Variants in GRK3 observed in about 807,000 individuals in gnomAD.
GRK3 encodes adrenergic, beta, receptor kinase 2.
A neutral mutation model predicts 95.7 loss-of-function variants in GRK3; 54 were observed. The observed-to-expected ratio is 0.56, with a 90% CI of 0.45 to 0.71. GRK3 has a LOEUF of 0.71. Among genes scored for constraint, GRK3 ranks in the 30% least tolerant of loss-of-function variants. The pLI, the probability that GRK3 is intolerant of heterozygous loss-of-function variation, is 0.00. For synonymous variants in GRK3, 281 were observed against 290.8 expected (o/e 0.97, Z 0.34); for missense variants, 649 against 851.2 (o/e 0.76, Z 2.96).
chr22:25,692,770 G>A (rs2085175329), intron 12 of GRK3, among the ~76,000 whole-genome samples: 1 of 152,202 alleles, frequency 6.6e-6, no homozygotes, highest in Admixed American at 6.5e-5. Flanking sequence ...TATGCCATGG[G>A]GCTAGAATTA....
chr22:25,700,174 CCTGGA>C (rs1477227698), intron 13 of GRK3, among the ~76,000 whole-genome samples: 2 of 152,090 alleles, frequency 1.3e-5, no homozygotes, highest in African/African-American at 4.8e-5. Context: ...GTTTTGCATC[CCTGGA>C]CTCACAGTGA....
chr22:25,719,050 G>A (rs1275702896), intron 19 of GRK3, among the ~76,000 whole-genome samples: 1 of 152,142 alleles, frequency 6.6e-6, no homozygotes, highest in Admixed American at 6.5e-5. Flanking sequence ...TCAGCAACTT[G>A]AGCATCTGTG....
At chr22:25,686,473 C>T (rs890406314) in intron 10 of GRK3, among the ~76,000 whole-genome samples, 1 of 152,034 alleles carries the variant, frequency 6.6e-6, no homozygotes, top group African/African-American at 2.4e-5. Context: ...GGATGCTGGG[C>T]ATCTTTTCCA....
rs1251025589 is a variant in GRK3 at position 25,721,291 on chromosome 22, T to C, written c.1799T>C (p.Leu600Ser). The C allele has an allele frequency of 6.4e-7, 1 of 1,555,698 alleles. No individual in the cohort carries two copies. The highest frequency in any genetic ancestry group is 8.7e-7 in the Non-Finnish European group (1 of 1,148,656). Residue 600 changes from leucine to serine, a missense_variant, in exon 20 of 21, where the codon TTA (leucine) becomes TCA (serine). By Grantham distance (145) the Leu-to-Ser change is moderately radical (BLOSUM62 -2). Around this residue, in one of 3 missense-constraint regions of GRK3, gnomAD observed 382 missense variants for 493.8 expected, o/e 0.77. Transcript: ENST00000324198. ...WRGEGESRQNLLTMEQILSVE... is the reference protein window; with the variant it reads ...WRGEGESRQNSLTMEQILSVE... ...TTCTGTTTTTATGGTTAGCAAAATT[T>C]ACTGACAATGGAACAGATTCTCTCT... is the stretch of plus-strand genomic sequence containing the variant.
rs917207342 is a variant in GRK3, at chr22:25,728,942, C to T, written c.*6492C>T. The T allele has an allele frequency of 1.3e-5, 2 of 151,910 alleles. No homozygotes were observed. The highest frequency in any genetic ancestry group is 1.3e-4 in the Admixed American group (2 of 15,238). The allele number at this position is 151,910 out of a possible 1,614,324, so 9.4% of individuals were successfully genotyped here. A position where few individuals can be genotyped will look rare whatever the true frequency, so the allele number is the denominator to read the frequency against. ...ACATATTTACTATATTCTTGAATACCCTTGAAGAAAGAAATCCGTTTTCTA... is the reference window on the plus strand; with the variant it reads ...ACATATTTACTATATTCTTGAATACTCTTGAAGAAAGAAATCCGTTTTCTA... On this transcript the variant is annotated 3_prime_UTR_variant, in exon 21 of 21. Coordinates refer to ENST00000324198, the MANE Select transcript of GRK3 (RefSeq NM_005160.4).
intron 3 of GRK3, chr22:25,648,508 T>C (rs2084803744): frequency 2.1e-6 from 3 of 1,453,446 alleles, no homozygotes; most frequent in Admixed American, 1.7e-5. Context: ...ACCACAAAAG[T>C]AGCAATCAAA....
At chr22:25,573,110 T>G (rs1471757418) in intron 1 of GRK3, among the ~76,000 whole-genome samples, 1 of 152,220 alleles carries the variant, frequency 6.6e-6, no homozygotes, top group Non-Finnish European at 1.5e-5. Flanking sequence ...ATCAAATATT[T>G]GAAGGCAGCT....
intron 4 of GRK3, 82 bp from the exon 5 acceptor site, chr22:25,663,548 A>AATTTATC (rs1368656052): frequency 7.1e-6 from 6 of 842,410 alleles, no homozygotes; most frequent in Non-Finnish European, 1.1e-5. Flanking sequence ...TGCTGTGTTA[A>AATTTATC]ATTTATCTGT....
In GRK3 at chr22:25,591,917, A is replaced by G. The variant is rs1433820998; in HGVS notation, c.114-12460A>G. Among the ~76,000 whole-genome samples the G allele has an allele frequency of 2.6e-5, 4 of 152,238 alleles. No individual in the cohort carries two copies. The East Asian group carries it at 5.8e-4, about 22-fold the overall frequency. On this transcript the variant is annotated intron_variant, in intron 1 of 20. Coordinates refer to ENST00000324198, the MANE Select transcript of GRK3 (RefSeq NM_005160.4). Reference sequence around the variant, plus strand: ...ATTGTGTTGCTTCCAGCTTTTGACCATCACAGATAAAGCTGCTGAGAATAT... The same window carrying G: ...ATTGTGTTGCTTCCAGCTTTTGACCGTCACAGATAAAGCTGCTGAGAATAT...
intron 2 of GRK3, 131 bp from the exon 3 acceptor site, chr22:25,644,461 A>C (rs1270325622): frequency 8.4e-6 from 4 of 475,414 alleles, no homozygotes; most frequent in African/African-American, 8.0e-5. Context: ...TAGCTTCTTG[A>C]AATCTTTTTT....
At chr22:25,624,743 G>A (rs1272090942) in intron 2 of GRK3, among the ~76,000 whole-genome samples, 2 of 151,978 alleles carry the variant, frequency 1.3e-5, no homozygotes, top group Non-Finnish European at 2.9e-5. Context: ...CATCTCTGAC[G>A]CTATTTTCTC....
At chr22:25,585,793 C>A (rs185625352) in intron 1 of GRK3, among the ~76,000 whole-genome samples, 16 of 152,316 alleles carry the variant, frequency 1.1e-4, no homozygotes. Context: ...AATCCTGGGT[C>A]ATCACATAAA....
chr22:25,571,484 G>C (rs994886073), intron 1 of GRK3, among the ~76,000 whole-genome samples: 2 of 152,032 alleles, frequency 1.3e-5, no homozygotes, highest in Non-Finnish European at 2.9e-5. Context: ...TTCAGACACG[G>C]ATAACTCAAA....
intron 1 of GRK3, among the ~76,000 whole-genome samples, chr22:25,565,456 C>G (rs1350451249): frequency 6.6e-6 from 1 of 152,146 alleles, no homozygotes; most frequent in Non-Finnish European, 1.5e-5. Flanking sequence ...CCTGTCGCCC[C>G]CTCCCCCCAG....
At chr22:25,597,322 A>C (rs2084379122) in intron 1 of GRK3, among the ~76,000 whole-genome samples, 1 of 152,158 alleles carries the variant, frequency 6.6e-6, no homozygotes, top group Non-Finnish European at 1.5e-5. Flanking sequence ...GGAAGGAAGA[A>C]ATTTGTTAAA....
chr22:25,622,532 C>A (rs985533761), intron 2 of GRK3, among the ~76,000 whole-genome samples: 2 of 152,098 alleles, frequency 1.3e-5, no homozygotes, highest in African/African-American at 4.8e-5. Context: ...GCCAGAAGGC[C>A]CACGCAGGCA....
In GRK3 at chr22:25,659,764, A is replaced by C. The variant is rs535738375; in HGVS notation, c.265-1812A>C. Among the ~76,000 whole-genome samples, 22 of 152,322 alleles carry C rather than the reference A, an allele frequency of 1.4e-4. No homozygotes were observed. In the South Asian group the frequency reaches 4.6e-3, roughly 32 times the overall value. On this transcript the variant is annotated intron_variant, in intron 3 of 20. Transcript: ENST00000324198. ...CAGATGCTTTAGGCTCTTATTTTGC[A>C]TACCAAGAGTTACCTTTTCTGTTGT...
At chr22:25,680,409 C>T (rs2085065056) in intron 9 of GRK3, among the ~76,000 whole-genome samples, 1 of 152,122 alleles carries the variant, frequency 6.6e-6, no homozygotes, top group Non-Finnish European at 1.5e-5. Flanking sequence ...GATGTGAGTA[C>T]TGGATGAAGA....
At chr22:25,607,994 T>C (rs891677763) in intron 2 of GRK3, among the ~76,000 whole-genome samples, 13 of 152,204 alleles carry the variant, frequency 8.5e-5, no homozygotes, top group Non-Finnish European at 1.9e-4. Flanking sequence ...AGGAGCACTT[T>C]ATAGGTGGTG....
Sources: allele counts gnomAD v4.1 joint callset (sites outside exome capture counted in the v4.1 genomes callset), GRCh38; gene constraint gnomAD v4.1.1; regional missense constraint gnomAD v4.1.1; transcripts MANE v1.5; gene names NCBI Gene and HGNC (gene_info 2026-07-23, HGNC 2026-07-21).